The following IGSF11 variants were observed in gnomAD, a reference collection of about 807,000 sequenced individuals.
The protein encoded by IGSF11 is immunoglobulin superfamily member 11.
In IGSF11, 22 loss-of-function variants were observed where a neutral mutation model predicts 41.0. That is an observed-to-expected ratio of 0.54 (90% CI 0.38 to 0.77). The LOEUF is 0.77. Ranked by LOEUF, IGSF11 falls within the 30% of genes least tolerant of loss-of-function variation. The pLI, the probability that IGSF11 is intolerant of heterozygous loss-of-function variation, is 0.00. For synonymous variants in IGSF11, 219 were observed against 201.3 expected (o/e 1.09, Z -0.74); for missense variants, 444 against 530.8 (o/e 0.84, Z 1.61).
intron 4 of IGSF11, among the ~76,000 whole-genome samples, chr3:118,916,069 C>T (rs1301959244): frequency 6.7e-6 from 1 of 149,584 alleles, no homozygotes; most frequent in Non-Finnish European, 1.5e-5. Flanking sequence ...GAGATTTTGT[C>T]ACCACCAAGC....
At chr3:118,964,382 T>C (rs553277708) in intron 1 of IGSF11, among the ~76,000 whole-genome samples, 1 of 151,876 alleles carries the variant, frequency 6.6e-6, no homozygotes, top group Non-Finnish European at 1.5e-5. Context: ...GGATGAAGAA[T>C]GGGCAGAGCT....
At chr3:119,105,575 C>A (rs955644952), upstream of IGSF11, among the ~76,000 whole-genome samples, 1 of 152,152 alleles carries the variant, frequency 6.6e-6, no homozygotes, top group Non-Finnish European at 1.5e-5. Flanking sequence ...GCATCAGTCA[C>A]AACTTATCAA....
At chr3:119,121,324 G>T (rs2077331278) in intron 1 of IGSF11, among the ~76,000 whole-genome samples, 1 of 152,118 alleles carries the variant, frequency 6.6e-6, no homozygotes, top group Non-Finnish European at 1.5e-5. Context: ...AAGGAAGCCA[G>T]GAGACTGTCT....
At chr3:119,114,363 T>C (rs1055372016) in intron 1 of IGSF11, among the ~76,000 whole-genome samples, 1 of 152,242 alleles carries the variant, frequency 6.6e-6, no homozygotes, top group Admixed American at 6.5e-5. Flanking sequence ...TGCTCACAAA[T>C]ATAAGCCTAG....
At chr3:118,908,767 AC>A (rs781377972) in intron 4 of IGSF11, among the ~76,000 whole-genome samples, 4 of 152,172 alleles carry the variant, frequency 2.6e-5, no homozygotes, top group Admixed American at 1.3e-4. Context: ...ATGTTAGTGT[AC>A]ATTTCCAGTT....
intron 1 of IGSF11, among the ~76,000 whole-genome samples, chr3:119,003,327 TC>T (rs1246128248): frequency 6.8e-6 from 1 of 147,104 alleles, no homozygotes; most frequent in African/African-American, 2.6e-5. Context: ...TGATTTTGTA[TC>T]CTGAGACTTT....
intron 1 of IGSF11, among the ~76,000 whole-genome samples, chr3:119,022,297 T>C (rs988502777): frequency 2.0e-5 from 3 of 152,192 alleles, no homozygotes; most frequent in African/African-American, 7.2e-5. Context: ...AGGTATTGCC[T>C]AATAGTTATA....
chr3:118,933,501 C>T (rs552303863), intron 1 of IGSF11, among the ~76,000 whole-genome samples: 34 of 146,674 alleles, frequency 2.3e-4, no homozygotes, highest in African/African-American at 7.5e-4. Context: ...CACACACACA[C>T]ACATATGTAT....
chr3:118,939,206 A>G (rs1943497255), intron 1 of IGSF11, among the ~76,000 whole-genome samples: 1 of 152,240 alleles, frequency 6.6e-6, no homozygotes, highest in African/African-American at 2.4e-5. Flanking sequence ...TTAAATAATT[A>G]AAGTTATACA....
chr3:118,903,098 G>A, intron 6 of IGSF11, 137 bp from the exon 7 acceptor site: 6 of 767,878 alleles, frequency 7.8e-6, no homozygotes, highest in Non-Finnish European at 1.2e-5. Flanking sequence ...TATCGTGAAA[G>A]CAGGCATGGC....
chr3:119,054,013 A>G (rs994950166), intron 1 of IGSF11, among the ~76,000 whole-genome samples: 1 of 152,214 alleles, frequency 6.6e-6, no homozygotes, highest in Non-Finnish European at 1.5e-5. Flanking sequence ...TACAAAAATC[A>G]ACTCAAGATG....
intron 1 of IGSF11, among the ~76,000 whole-genome samples, chr3:118,960,683 G>T (rs1945281954): frequency 6.6e-6 from 1 of 151,836 alleles, no homozygotes; most frequent in Admixed American, 6.6e-5. Flanking sequence ...GAAGACTGTT[G>T]GTGTATATAT....
chr3:119,019,399 T>C (rs565650691), intron 1 of IGSF11, among the ~76,000 whole-genome samples: 141 of 146,510 alleles, frequency 9.6e-4, no homozygotes, highest in African/African-American at 3.4e-3. Flanking sequence ...ACTAGATGGG[T>C]GGCAGGGGTC....
At chr3:119,038,079 T>A (rs1940981465), upstream of IGSF11, among the ~76,000 whole-genome samples, 1 of 152,142 alleles carries the variant, frequency 6.6e-6, no homozygotes, top group Non-Finnish European at 1.5e-5. Context: ...TAGAGCACAG[T>A]TTGGTCCTTT....
At chr3:119,114,683 C>A (rs898391127) in intron 1 of IGSF11, among the ~76,000 whole-genome samples, 1 of 152,180 alleles carries the variant, frequency 6.6e-6, no homozygotes, top group African/African-American at 2.4e-5. Context: ...TTGTCTTTTT[C>A]TGAGCCCTCC....
Position 119,114,428 on chromosome 3 carries a change from C to T in IGSF11, c.-13-9223G>A, listed in dbSNP as rs183975781. The stretch of plus-strand genomic sequence containing the variant: ...ACATTTTGTCACTTAGAAATTTCTT[C>T]CGCCAGACGCCCTAAATCATCCTTC... On this transcript the variant is annotated intron_variant, in intron 1 of 7. Coordinates refer to the IGSF11 transcript ENST00000425327. Among the ~76,000 whole-genome samples, 14 of 152,328 alleles carry T rather than the reference C, an allele frequency of 9.2e-5. No individual in the cohort carries two copies. The East Asian group carries it at 2.5e-3, about 27-fold the overall frequency.
At chr3:119,087,844 A>G (rs2107490378) in intron 1 of IGSF11, among the ~76,000 whole-genome samples, 1 of 152,350 alleles carries the variant, frequency 6.6e-6, no homozygotes, top group South Asian at 2.1e-4. Flanking sequence ...GCATTACATA[A>G]TGATAAAGGG....
chr3:119,115,602 AT>A (rs1210548275), intron 1 of IGSF11, among the ~76,000 whole-genome samples: 1 of 152,084 alleles, frequency 6.6e-6, no homozygotes, highest in Non-Finnish European at 1.5e-5. Context: ...GCATTATCAG[AT>A]TTTTTCCTAT....
At chr3:119,074,357 G>A (rs2107471378) in intron 1 of IGSF11, among the ~76,000 whole-genome samples, 1 of 151,954 alleles carries the variant, frequency 6.6e-6, no homozygotes, top group African/African-American at 2.4e-5. Flanking sequence ...AATACCAAAA[G>A]GTCTCTCAAC....
Sources: allele counts gnomAD v4.1 joint callset (sites outside exome capture counted in the v4.1 genomes callset), GRCh38; gene constraint gnomAD v4.1.1; transcripts MANE v1.5; gene names NCBI Gene and HGNC (gene_info 2026-07-23, HGNC 2026-07-21).